The following ANO5 variants were observed in gnomAD, a reference collection of about 807,000 sequenced individuals.
The protein encoded by ANO5 is anoctamin-5.
In ANO5, 109 loss-of-function variants were observed where a neutral mutation model predicts 121.0. That is an observed-to-expected ratio of 0.90 (90% CI 0.77 to 1.06). The LOEUF (loss-of-function observed/expected upper bound fraction) is 1.06, where lower values mean the gene tolerates loss of function less well. ANO5 is among the 50% of genes least tolerant of loss of function. The pLI, the probability that ANO5 is intolerant of heterozygous loss-of-function variation, is 0.00. For missense variants in ANO5, 1,064 were observed against 1,078.5 expected (o/e 0.99, Z 0.19); for synonymous variants, 406 against 359.9 (o/e 1.13, Z -1.45).
intron 4 of ANO5, 54 bp downstream of exon 4, chr11:22,218,341 C>T (rs1852533092): frequency 1.2e-6 from 2 of 1,600,500 alleles, no homozygotes; most frequent in South Asian, 2.2e-5. Flanking sequence ...GCAGTGGTAG[C>T]CTTAGTTATT....
chr11:22,212,315 A>T (rs1472665512), intron 3 of ANO5, among the ~76,000 whole-genome samples: 1 of 151,936 alleles, frequency 6.6e-6, no homozygotes, highest in Non-Finnish European at 1.5e-5. Context: ...AAGTGTTTTC[A>T]GAGAAATCTT....
intron 15 of ANO5, among the ~76,000 whole-genome samples, chr11:22,260,844 C>T (rs1854164898): frequency 6.6e-6 from 1 of 152,146 alleles, no homozygotes; most frequent in Non-Finnish European, 1.5e-5. Flanking sequence ...TCATGATCCT[C>T]TATTGCAGGG....
chr11:22,195,439 T>A (rs1224622700), intron 1 of ANO5, among the ~76,000 whole-genome samples: 2 of 152,002 alleles, frequency 1.3e-5, no homozygotes, highest in East Asian at 1.9e-4. Flanking sequence ...TTTTTTTTTT[T>A]ATTTTTTGAG....
chr11:22,228,277 G>T (rs1852914788), intron 7 of ANO5, among the ~76,000 whole-genome samples: 1 of 151,600 alleles, frequency 6.6e-6, no homozygotes, highest in African/African-American at 2.4e-5. Context: ...CAAGCGTTAA[G>T]ATGTTATTAT....
chr11:22,221,175 G>C lies in ANO5; in HGVS notation c.259G>C (p.Val87Leu), dbSNP rs34994927. 2 of 1,611,544 alleles carry C rather than the reference G, an allele frequency of 1.2e-6. No individual in the cohort carries two copies. The highest frequency in any genetic ancestry group is 1.7e-6 in the Non-Finnish European group (2 of 1,178,504). ...GCAAATTGATTTTGTGCTTTCCTAC[G>C]TTGATGATGTAAAGAAAGACGCAGA... is the stretch of plus-strand genomic sequence containing the variant. ...IRQIDFVLSYVDDVKKDAELK... is the reference protein window; with the variant it reads ...IRQIDFVLSYLDDVKKDAELK... Residue 87 changes from valine (V) to leucine (L), a missense_variant, in exon 5 of 22, where the codon GTT becomes CTT. Physicochemically the swap from Val to Leu is conservative, Grantham distance 32. Transcript: ENST00000324559.
At chr11:22,249,960 T>G (rs1853746446) in intron 9 of ANO5, among the ~76,000 whole-genome samples, 1 of 152,196 alleles carries the variant, frequency 6.6e-6, no homozygotes. Context: ...ATTTAAATTT[T>G]AAAGTTAAAT....
chr11:22,250,669 T>G, intron 10 of ANO5, 72 bp from the exon 11 acceptor site: 1 of 1,435,650 alleles, frequency 7.0e-7, no homozygotes. Context: ...AAGTAGTTGT[T>G]CTAATAAGAA....
At chr11:22,197,424 C>T (rs1282981685) in intron 1 of ANO5, among the ~76,000 whole-genome samples, 2 of 151,222 alleles carry the variant, frequency 1.3e-5, no homozygotes, top group African/African-American at 4.9e-5. Context: ...CTCACCATAG[C>T]CTCAAGAAAT....
At chr11:22,232,196 AC>A (rs756817456) in intron 7 of ANO5, among the ~76,000 whole-genome samples, 1 of 151,938 alleles carries the variant, frequency 6.6e-6, no homozygotes, top group Non-Finnish European at 1.5e-5. Context: ...TCTTGTATGA[AC>A]TTTTGTTCAT....
chr11:22,211,749 A>C (rs2133553633), intron 3 of ANO5, among the ~76,000 whole-genome samples: 2 of 152,052 alleles, frequency 1.3e-5, no homozygotes, highest in South Asian at 4.1e-4. Context: ...TTTAAAAATC[A>C]AACTTAAATA....
At chr11:22,255,968 A>C (rs1853989624) in intron 13 of ANO5, among the ~76,000 whole-genome samples, 1 of 152,176 alleles carries the variant, frequency 6.6e-6, no homozygotes, top group Non-Finnish European at 1.5e-5. Context: ...GTGATATATA[A>C]AAATTAAAAT....
chr11:22,248,740 G>GA (rs980187938), intron 9 of ANO5, among the ~76,000 whole-genome samples: 2 of 151,738 alleles, frequency 1.3e-5, no homozygotes, highest in Non-Finnish European at 2.9e-5. Context: ...TTGAAAAGGA[G>GA]AAAAAAGTAG....
At chr11:22,203,565 G>A (rs558153652) in intron 1 of ANO5, among the ~76,000 whole-genome samples, 1 of 152,218 alleles carries the variant, frequency 6.6e-6, no homozygotes, top group Non-Finnish European at 1.5e-5. Flanking sequence ...CAGTAATTGA[G>A]ATTGTATTTT....
intron 1 of ANO5, among the ~76,000 whole-genome samples, chr11:22,196,948 A>T (rs1423505946): frequency 3.3e-5 from 5 of 152,198 alleles, no homozygotes; most frequent in East Asian, 3.9e-4. Context: ...AAGGCTGAAA[A>T]ATTCAAGTTC....
At chr11:22,192,982 C>A (rs1055243794), upstream of ANO5, 3 of 985,002 alleles carry the variant, frequency 3.0e-6, no homozygotes, top group Middle Eastern at 5.2e-4. Context: ...TGGCGGTCTC[C>A]GAGGGTGGGG....
intron 21 of ANO5, among the ~76,000 whole-genome samples, chr11:22,277,186 C>A (rs1297554928): frequency 1.3e-5 from 2 of 151,552 alleles, no homozygotes; most frequent in South Asian, 4.1e-4. Context: ...CTCACACACA[C>A]ACCCACACAG....
intron 17 of ANO5, among the ~76,000 whole-genome samples, chr11:22,269,006 AAAAG>A (rs2133771043): frequency 6.6e-6 from 1 of 152,140 alleles, no homozygotes; most frequent in Non-Finnish European, 1.5e-5. Flanking sequence ...CCTGTCTCAA[AAAAG>A]AAAGAAGACA....
At chr11:22,278,898 A>G (rs989617509) in intron 21 of ANO5, among the ~76,000 whole-genome samples, 3 of 150,052 alleles carry the variant, frequency 2.0e-5, no homozygotes, top group African/African-American at 7.3e-5. Context: ...TTTTTTTTCA[A>G]TATGTTGTCA....
At chr11:22,218,150 G>GGT in intron 3 of ANO5, 96 bp from the exon 4 acceptor site, 1 of 705,522 alleles carries the variant, frequency 1.4e-6, no homozygotes, top group Non-Finnish European at 2.3e-6. Context: ...CTTATAAAAT[G>GGT]ATCATACCAA....
Sources: allele counts gnomAD v4.1 joint callset (sites outside exome capture counted in the v4.1 genomes callset), GRCh38; gene constraint gnomAD v4.1.1; transcripts MANE v1.5; gene names NCBI Gene and HGNC (gene_info 2026-07-23, HGNC 2026-07-21).